Variants in RNF11 observed in about 807,000 individuals in gnomAD.
RNF11 encodes the protein ring finger protein 11.
RNF11 carries 4 observed loss-of-function variants against 15.8 expected under a neutral mutation model. That is an observed-to-expected ratio of 0.25 (90% CI 0.12 to 0.58). RNF11 has a LOEUF of 0.58. Ranked by LOEUF, RNF11 falls within the 20% of genes least tolerant of loss-of-function variation. RNF11 has a pLI of 0.91. For missense variants in RNF11, 139 were observed against 194.4 expected, an observed-to-expected ratio of 0.71 and a Z score of 1.70; for synonymous variants, 68 against 72.3, an observed-to-expected ratio of 0.94 and a Z score of 0.30.
Position 51,258,836 on chromosome 1 carries a change from A to G in RNF11, c.124-11120A>G, listed in dbSNP as rs1557681040. The stretch of plus-strand genomic sequence containing the variant: ...TGAATTTATAGTGTAGTTATTACTA[A>G]GGCACCAATTCCTATCAATTAAGGC... On this transcript the variant is annotated intron_variant, in intron 1 of 2. Transcript: ENST00000242719. Among the ~76,000 whole-genome samples the G allele has an allele frequency of 2.0e-5, 3 of 152,318 alleles. No individual in the cohort carries two copies. In the East Asian group the frequency reaches 5.8e-4, roughly 29 times the overall value.
intron 1 of RNF11, among the ~76,000 whole-genome samples, chr1:51,241,752 C>T (rs1237539696): frequency 2.6e-5 from 4 of 152,082 alleles, no homozygotes; most frequent in Admixed American, 6.5e-5. Flanking sequence ...ATCTGCCCAG[C>T]GAAGGCAATC....
At chr1:51,250,815 C>T (rs879623656) in intron 1 of RNF11, 2 of 1,406,216 alleles carry the variant, frequency 1.4e-6, no homozygotes, top group African/African-American at 1.4e-5. Context: ...TGAGGTGCAG[C>T]AGTCATCGAT....
chr1:51,237,121 G>A (rs1173423846), intron 1 of RNF11, among the ~76,000 whole-genome samples: 1 of 152,094 alleles, frequency 6.6e-6, no homozygotes, highest in Non-Finnish European at 1.5e-5. Flanking sequence ...CAGAGTATGT[G>A]ATCACATCCC....
rs150119407 is a variant in RNF11 at position 51,239,694 on chromosome 1, C to T, written c.123+2815C>T. ...GCCTCCCAAAGACTGGGATTACAGG[C>T]GTTAGCTACCTCACACAGCAGATTT... On this transcript the variant is annotated intron_variant, in intron 1 of 2. Transcript: ENST00000242719. 6.0e-3 allele frequency among the ~76,000 whole-genome samples: 909 copies of T among 152,194 alleles called. 13 individuals are homozygous for T. The highest frequency in any genetic ancestry group is 0.021 in the African/African-American group (861 of 41,522).
chr1:51,266,338 G>A (rs898765471), intron 1 of RNF11, among the ~76,000 whole-genome samples: 2 of 151,970 alleles, frequency 1.3e-5, no homozygotes, highest in African/African-American at 4.8e-5. Flanking sequence ...AATGTTGGGT[G>A]TAATTTATAT....
chr1:51,256,246 C>T (rs531287091), intron 1 of RNF11, among the ~76,000 whole-genome samples: 62 of 152,318 alleles, frequency 4.1e-4, no homozygotes, highest in African/African-American at 1.5e-3. Context: ...CAACACCTGA[C>T]AACCACTGAT....
chr1:51,254,207 G>GTT (rs202051413), intron 1 of RNF11, among the ~76,000 whole-genome samples: 3 of 149,982 alleles, frequency 2.0e-5, no homozygotes, highest in African/African-American at 7.3e-5. Flanking sequence ...TTAGGTTATA[G>GTT]TTTTTTTTTT....
rs1401830109 is a variant in RNF11 at position 51,251,287 on chromosome 1, T to G, written c.123+14408T>G. ...ATGTCCTTCACCAAGCAGCCCAGCT[T>G]GGTGACGGGCATCCACTCCTTATCC... On this transcript the variant is annotated intron_variant, in intron 1 of 2. Transcript: ENST00000242719. 6 of 1,427,574 alleles carry G rather than the reference T, an allele frequency of 4.2e-6. No homozygotes were observed. The Admixed American group carries it at 6.9e-5, about 17-fold the overall frequency. The allele number at this position is 1,427,574 out of a possible 1,614,324, so 88.4% of individuals were successfully genotyped here.
At chr1:51,259,904 T>C (rs1646922689) in intron 1 of RNF11, among the ~76,000 whole-genome samples, 1 of 152,240 alleles carries the variant, frequency 6.6e-6, no homozygotes, top group Non-Finnish European at 1.5e-5. Context: ...CGCATTCTCT[T>C]TGTGCTTTTA....
intron 1 of RNF11, among the ~76,000 whole-genome samples, chr1:51,254,871 C>T (rs1178378935): frequency 6.6e-6 from 1 of 152,208 alleles, no homozygotes; most frequent in African/African-American, 2.4e-5. Context: ...CATGAGCACC[C>T]AGCCTAGTTC....
At chr1:51,252,205 A>G (rs369725253) in intron 1 of RNF11, among the ~76,000 whole-genome samples, 4 of 152,040 alleles carry the variant, frequency 2.6e-5, no homozygotes, top group African/African-American at 9.7e-5. Flanking sequence ...AGAATGCAAT[A>G]TGTTATACAT....
At chr1:51,261,912 C>G (rs975238398) in intron 1 of RNF11, among the ~76,000 whole-genome samples, 2 of 151,848 alleles carry the variant, frequency 1.3e-5, no homozygotes, top group African/African-American at 4.8e-5. Context: ...TGCCTGTAAT[C>G]CCAGCAGTCT....
intron 1 of RNF11, among the ~76,000 whole-genome samples, chr1:51,265,698 A>G (rs1214696078): frequency 6.6e-6 from 1 of 152,204 alleles, no homozygotes; most frequent in Non-Finnish European, 1.5e-5. Flanking sequence ...ATTTAAGTAG[A>G]TGATAGTGGA....
chr1:51,253,968 TA>T (rs1254257922), intron 1 of RNF11, among the ~76,000 whole-genome samples: 235 of 138,246 alleles, frequency 1.7e-3, no homozygotes, highest in Middle Eastern at 3.7e-3. Flanking sequence ...GTCCCATCTC[TA>T]AAAAAAAAAA....
At chr1:51,250,663 G>A (rs1376452925) in intron 1 of RNF11, 59 of 809,796 alleles carry the variant, frequency 7.3e-5, no homozygotes, top group Non-Finnish European at 1.2e-4. Context: ...GCCTTGATGA[G>A]GTGGTCAGTG....
At chr1:51,268,684 G>T (rs1392743105) in intron 1 of RNF11, among the ~76,000 whole-genome samples, 1 of 152,224 alleles carries the variant, frequency 6.6e-6, no homozygotes, top group Admixed American at 6.5e-5. Flanking sequence ...CCCAGTTTGC[G>T]TGTGGATGAC....
intron 1 of RNF11, among the ~76,000 whole-genome samples, chr1:51,268,871 C>T (rs1274296916): frequency 6.6e-6 from 1 of 152,186 alleles, no homozygotes; most frequent in Non-Finnish European, 1.5e-5. Flanking sequence ...AGGACAGTAG[C>T]ACTTAGCTTA....
At chr1:51,255,901 T>G (rs184233905) in intron 1 of RNF11, among the ~76,000 whole-genome samples, 54 of 152,318 alleles carry the variant, frequency 3.5e-4, no homozygotes, top group Non-Finnish European at 7.2e-4. Flanking sequence ...GTGAGTCTTT[T>G]TTGTTGTTGT....
At chr1:51,248,610 C>T (rs1281011708) in intron 1 of RNF11, among the ~76,000 whole-genome samples, 1 of 152,052 alleles carries the variant, frequency 6.6e-6, no homozygotes, top group Non-Finnish European at 1.5e-5. Flanking sequence ...AGACATGAAG[C>T]AATTATGAGG....
Sources: allele counts gnomAD v4.1 joint callset (sites outside exome capture counted in the v4.1 genomes callset), GRCh38; gene constraint gnomAD v4.1.1; transcripts MANE v1.5; gene names NCBI Gene and HGNC (gene_info 2026-07-23, HGNC 2026-07-21).